CFAP299: variants seen among roughly 807,000 people sequenced by gnomAD.
CFAP299 encodes the protein cilia and flagella associated protein 299, also known as cilia- and flagella-associated protein 299.
A neutral mutation model predicts 27.0 loss-of-function variants in CFAP299; 21 were observed. The observed-to-expected ratio is 0.78, with a 90% CI of 0.55 to 1.12. The LOEUF (loss-of-function observed/expected upper bound fraction) is 1.12, where lower values mean the gene tolerates loss of function less well. CFAP299 is among the 50% of genes most tolerant of loss of function. CFAP299 has a pLI of 0.00. For missense variants in CFAP299, 310 were observed against 276.6 expected (o/e 1.12, Z -0.86); for synonymous variants, 104 against 98.1 (o/e 1.06, Z -0.36).
chr4:80,938,473 C>T (rs1244174842), intron 4 of CFAP299, among the ~76,000 whole-genome samples: 2 of 152,230 alleles, frequency 1.3e-5, no homozygotes, highest in Admixed American at 6.6e-5. Context: ...TTGGCCATCC[C>T]TTTGTTACCC....
intron 1 of CFAP299, among the ~76,000 whole-genome samples, chr4:80,337,578 A>G (rs569385863): frequency 6.6e-6 from 1 of 152,032 alleles, no homozygotes; most frequent in African/African-American, 2.4e-5. Flanking sequence ...TTGTATTTTT[A>G]GCAGAGACAG....
intron 3 of CFAP299, among the ~76,000 whole-genome samples, chr4:80,636,437 C>A (rs372610749): frequency 6.6e-5 from 10 of 152,198 alleles, no homozygotes; most frequent in African/African-American, 2.4e-4. Context: ...AAAAATCTTA[C>A]AAGTGTTAGC....
intron 2 of CFAP299, among the ~76,000 whole-genome samples, chr4:80,450,740 A>C (rs550753461): frequency 6.6e-6 from 1 of 152,218 alleles, no homozygotes. Flanking sequence ...AGAGATTTTA[A>C]AAACTGATGA....
At chr4:80,489,766 A>G (rs1176570329) in intron 2 of CFAP299, among the ~76,000 whole-genome samples, 1 of 152,178 alleles carries the variant, frequency 6.6e-6, no homozygotes, top group African/African-American at 2.4e-5. Context: ...TACTTGACAC[A>G]TGCATATCGT....
In CFAP299 at chr4:80,498,879, TGTG is replaced by T. The variant is rs1468417008; in HGVS notation, c.243-84211_243-84209del. 1.3e-4 allele frequency among the ~76,000 whole-genome samples: 20 copies of T among 152,224 alleles called. No individual in the cohort carries two copies. In the Middle Eastern group the frequency reaches 0.014, roughly 104 times the overall value. On this transcript the variant is annotated intron_variant, in intron 2 of 5. Transcript: ENST00000358105. ...TCAATAGTGGACAGAATAAGGCAAA[TGTG>T]GTACCTATACAACATGGAATATTAT... is the stretch of plus-strand genomic sequence containing the variant.
At chr4:80,702,884 A>G (rs1721592230) in intron 3 of CFAP299, among the ~76,000 whole-genome samples, 1 of 151,804 alleles carries the variant, frequency 6.6e-6, no homozygotes, top group African/African-American at 2.4e-5. Flanking sequence ...AAGATGACAT[A>G]GTGAAAGAAA....
intron 4 of CFAP299, among the ~76,000 whole-genome samples, chr4:80,875,929 C>T (rs912746405): frequency 5.3e-5 from 8 of 151,960 alleles, no homozygotes; most frequent in South Asian, 2.1e-4. Context: ...ATTCTTTGCT[C>T]ACCCACTACG....
At chr4:80,347,389 A>C (rs2109978691) in intron 1 of CFAP299, among the ~76,000 whole-genome samples, 1 of 152,136 alleles carries the variant, frequency 6.6e-6, no homozygotes, top group East Asian at 1.9e-4. Context: ...TTTCCCATTC[A>C]GTACAGCCCA....
In CFAP299 at chr4:80,918,459, G is replaced by A. The variant is rs145758073; in HGVS notation, c.477-26351G>A. Among the ~76,000 whole-genome samples the A allele has an allele frequency of 4.5e-4, 69 of 152,114 alleles. 1 individual carries two copies. Among genetic ancestry groups the A allele is most frequent in the African/African-American group, 1.4e-3 (60 of 41,520 alleles). On this transcript the variant is annotated intron_variant, in intron 4 of 5. Coordinates refer to ENST00000358105, the MANE Select transcript of CFAP299 (RefSeq NM_152770.3). ...AATTTTGCAAGCTGGCTACAGAAAC[G>A]TTTATTGTGTTTTCCCGACAATGTT... is the stretch of plus-strand genomic sequence containing the variant.
chr4:80,819,266 C>A (rs183403175), intron 3 of CFAP299, among the ~76,000 whole-genome samples: 9 of 151,906 alleles, frequency 5.9e-5, no homozygotes, highest in Non-Finnish European at 1.3e-4. Flanking sequence ...AAGAGAGTGA[C>A]AGGAGAGTTG....
intron 3 of CFAP299, among the ~76,000 whole-genome samples, chr4:80,811,211 T>C (rs766116133): frequency 6.6e-6 from 1 of 152,154 alleles, no homozygotes; most frequent in Admixed American, 6.6e-5. Context: ...TTCAGTGATA[T>C]GTAACATTGA....
intron 3 of CFAP299, among the ~76,000 whole-genome samples, chr4:80,682,529 A>T (rs1222470585): frequency 6.6e-6 from 1 of 152,090 alleles, no homozygotes; most frequent in Non-Finnish European, 1.5e-5. Context: ...AAATTTTTCC[A>T]GCCCCTACTA....
chr4:80,698,903 C>T (rs936719755), intron 3 of CFAP299, among the ~76,000 whole-genome samples: 7 of 152,114 alleles, frequency 4.6e-5, no homozygotes, highest in African/African-American at 1.7e-4. Context: ...CACCAGGTCC[C>T]CCTTCAACAC....
intron 3 of CFAP299, among the ~76,000 whole-genome samples, chr4:80,836,862 A>G (rs548506949): frequency 1.3e-5 from 2 of 152,158 alleles, no homozygotes; most frequent in East Asian, 1.9e-4. Flanking sequence ...GATTATTTTT[A>G]TATGACTACC....
chr4:80,833,783 T>C (rs1283202781), intron 3 of CFAP299, among the ~76,000 whole-genome samples: 1 of 152,196 alleles, frequency 6.6e-6, no homozygotes, highest in Non-Finnish European at 1.5e-5. Flanking sequence ...AGGAAAAAGC[T>C]TCCTCTGTAG....
intron 3 of CFAP299, among the ~76,000 whole-genome samples, chr4:80,799,998 AT>A (rs1253760500): frequency 1.7e-5 from 1 of 58,818 alleles, no homozygotes; most frequent in East Asian, 6.4e-4. Flanking sequence ...AATATATATT[AT>A]GATATATAAT....
intron 3 of CFAP299, among the ~76,000 whole-genome samples, chr4:80,790,785 A>C (rs1391716237): frequency 1.3e-5 from 2 of 152,084 alleles, no homozygotes; most frequent in Non-Finnish European, 2.9e-5. Context: ...CAGGATATTC[A>C]GAAGTTACCG....
intron 3 of CFAP299, among the ~76,000 whole-genome samples, chr4:80,616,463 A>T (rs1357610736): frequency 6.6e-6 from 1 of 151,968 alleles, no homozygotes; most frequent in East Asian, 1.9e-4. Context: ...AATACCCCCA[A>T]ACTGAAAGGG....
chr4:80,946,429 T>A lies in CFAP299; in HGVS notation c.606+1490T>A, dbSNP rs573043605. Among the ~76,000 whole-genome samples the A allele has an allele frequency of 1.7e-3, 265 of 152,282 alleles. 1 individual carries two copies. Among genetic ancestry groups the A allele is most frequent in the Non-Finnish European group, 2.9e-3 (199 of 68,026 alleles). On this transcript the variant is annotated intron_variant, in intron 5 of 5. Transcript: ENST00000358105. The stretch of plus-strand genomic sequence containing the variant: ...GTACAAAGAACATTCCCCTGATGCC[T>A]TTAAAGGGAGTTTCCAAAAAGCTAC...
Sources: gnomAD v4.1 joint callset for allele counts (sites outside exome capture counted in the v4.1 genomes callset) on GRCh38, gnomAD v4.1.1 for gene constraint, MANE v1.5 for transcripts, NCBI Gene and HGNC (gene_info 2026-07-23, HGNC 2026-07-21) for gene names.